Variants in AGAP1 observed in about 807,000 individuals in gnomAD.
AGAP1 encodes the protein arf-GAP with GTPase, ANK repeat and PH domain-containing protein 1.
AGAP1 carries 29 observed loss-of-function variants against 105.3 expected under a neutral mutation model. The ratio of observed to expected loss-of-function variants is 0.28; its 90% CI spans 0.21 to 0.38. The LOEUF (loss-of-function observed/expected upper bound fraction) is 0.38. Among genes scored for constraint, AGAP1 ranks in the 10% least tolerant of loss-of-function variants. The pLI, the probability that AGAP1 is intolerant of heterozygous loss-of-function variation, is 1.00. For synonymous variants in AGAP1, 509 were observed against 485.9 expected, an observed-to-expected ratio of 1.05 and a Z score of -0.63; for missense variants, 998 against 1,165.1, an observed-to-expected ratio of 0.86 and a Z score of 2.09.
Position 235,598,243 on chromosome 2 carries a change from A to G in AGAP1, c.163+103394A>G, listed in dbSNP as rs572392654. On this transcript the variant is annotated intron_variant, in intron 1 of 17. Coordinates refer to ENST00000304032, the MANE Select transcript of AGAP1 (RefSeq NM_001037131.3). Reference sequence around the variant, plus strand: ...TGTGTGAGTGGCCCCGCGATGGAACAGCGCCCTGGTTCCTGCCTGCCCCCA... The same window carrying G: ...TGTGTGAGTGGCCCCGCGATGGAACGGCGCCCTGGTTCCTGCCTGCCCCCA... Among the ~76,000 whole-genome samples the G allele has an allele frequency of 1.8e-4, 27 of 152,294 alleles. No individual in the cohort carries two copies. In the South Asian group the frequency reaches 5.4e-3, roughly 30 times the overall value.
chr2:235,593,197 C>G (rs1226690525), intron 1 of AGAP1, among the ~76,000 whole-genome samples: 3 of 152,140 alleles, frequency 2.0e-5, no homozygotes, highest in Non-Finnish European at 4.4e-5. Context: ...TTCAGACGGG[C>G]AGCTTTTCCT....
In AGAP1 at chr2:236,092,531, T is replaced by A. The variant is rs530221331; in HGVS notation, c.2115-27661T>A. ...CCTCAGCCTCCCGAGTAAGCTGGGA[T>A]TACAGGTGTCCGCCACCGTGCCCAG... On this transcript the variant is annotated intron_variant, in intron 16 of 17. Transcript: ENST00000304032. The surrounding 1 kb of genome is among the most constrained non-coding windows in gnomAD (Gnocchi z 4.7). 6.6e-6 allele frequency among the ~76,000 whole-genome samples: 1 copy of A among 152,194 alleles called. No individual in the cohort carries two copies. The highest frequency in any genetic ancestry group is 2.1e-4 in the South Asian group (1 of 4,826).
chr2:235,984,093 C>G (rs1029671421), intron 13 of AGAP1, among the ~76,000 whole-genome samples: 3 of 152,172 alleles, frequency 2.0e-5, no homozygotes, highest in African/African-American at 7.2e-5. Context: ...CCTGTGACCT[C>G]CAGCCTGCTT....
At chr2:236,108,039 C>T (rs2059544385) in intron 16 of AGAP1, among the ~76,000 whole-genome samples, 1 of 152,244 alleles carries the variant, frequency 6.6e-6, no homozygotes, top group Non-Finnish European at 1.5e-5. Flanking sequence ...CCTCCTCCTC[C>T]CCGCATGCGG....
At chr2:236,097,380 C>CTTTTTTTTTTTTTT (rs58882083) in intron 16 of AGAP1, among the ~76,000 whole-genome samples, 3 of 48,648 alleles carry the variant, frequency 6.2e-5, no homozygotes, top group South Asian at 1.2e-3. Flanking sequence ...TCATCCTAAT[C>CTTTTTTTTTTTTTT]TTTTTTTTTT....
rs2052082016 is a variant in AGAP1, at chr2:235,919,773, C to CAACG, written c.1324+10867_1324+10868insAACG. Among the ~76,000 whole-genome samples, 1 of 152,108 alleles carries CAACG rather than the reference C, an allele frequency of 6.6e-6. No individual in the cohort carries two copies. The highest frequency in any genetic ancestry group is 1.5e-5 in the Non-Finnish European group (1 of 68,020). Reference sequence around the variant, plus strand: ...GAGAAAGAATATTGTAAAGATGGAACCGTTATTCATGGCAAAGGAAGACAC... The same window carrying CAACG: ...GAGAAAGAATATTGTAAAGATGGAACAACGCGTTATTCATGGCAAAGGAAGACAC... On this transcript the variant is annotated intron_variant, in intron 11 of 17. Coordinates refer to ENST00000304032, the MANE Select transcript of AGAP1 (RefSeq NM_001037131.3). This position sits in a 1 kb window ranked among gnomAD's most constrained non-coding sequence, Gnocchi z 4.1.
At chr2:236,041,317 G>A (rs73123795) in intron 15 of AGAP1, among the ~76,000 whole-genome samples, 29,922 of 150,746 alleles carry the variant, frequency 0.2, 3,145 homozygotes, top group South Asian at 0.27. Context: ...TTCCTGCCTA[G>A]AGATTCTTGG....
At position 235,736,984 on chromosome 2, in the gene AGAP1, C is replaced by T. The variant is rs1424665865; in HGVS notation, c.311-3979C>T. ...GCTTGTTGCCAACGATGCTGTCATC[C>T]TAAGGCTCTCCTTCTGTGGTTAAAG... On this transcript the variant is annotated intron_variant, in intron 3 of 17. Transcript: ENST00000304032. The surrounding 1 kb of genome is among the most constrained non-coding windows in gnomAD (Gnocchi z 5.5). Among the ~76,000 whole-genome samples the T allele has an allele frequency of 2.6e-5, 4 of 152,198 alleles. No individual in the cohort carries two copies. Among genetic ancestry groups the T allele is most frequent in the African/African-American group, 4.8e-5 (2 of 41,456 alleles).
At position 235,599,466 on chromosome 2, in the gene AGAP1, T is replaced by C. The variant is rs915712615; in HGVS notation, c.163+104617T>C. Among the ~76,000 whole-genome samples, 13 of 152,150 alleles carry C rather than the reference T, an allele frequency of 8.5e-5. No individual in the cohort carries two copies. The highest frequency in any genetic ancestry group is 6.5e-4 in the Admixed American group (10 of 15,280). ...ATTAGCCACACGCAGAGGGCAGTTA[T>C]GTGTGATGTGGGAAATGACTGCAAA... On this transcript the variant is annotated intron_variant, in intron 1 of 17. Transcript: ENST00000304032. This position sits in a 1 kb window ranked among gnomAD's most constrained non-coding sequence, Gnocchi z 5.3.
intron 2 of AGAP1, among the ~76,000 whole-genome samples, chr2:235,715,168 C>T (rs1267302526): frequency 6.6e-6 from 1 of 152,206 alleles, no homozygotes; most frequent in Non-Finnish European, 1.5e-5. Context: ...TCCTGTCTCT[C>T]CTCCTCTCCC....
At position 236,104,700 on chromosome 2, in the gene AGAP1, C is replaced by T. The variant is rs955573878; in HGVS notation, c.2115-15492C>T. On this transcript the variant is annotated intron_variant, in intron 16 of 17. Transcript: ENST00000304032. This position sits in a 1 kb window ranked among gnomAD's most constrained non-coding sequence, Gnocchi z 4.7. ...GGGCAGGAGGTCAAGTCTAGCCTGG[C>T]CAACATGGTGAAACCCCGTCTCTAC... Among the ~76,000 whole-genome samples, 36 of 152,264 alleles carry T rather than the reference C, an allele frequency of 2.4e-4. No homozygotes were observed. The highest frequency in any genetic ancestry group is 7.0e-4 in the African/African-American group (29 of 41,554).
At position 235,634,459 on chromosome 2, in the gene AGAP1, G is replaced by A. The variant is rs1431513906; in HGVS notation, c.164-74720G>A. Among the ~76,000 whole-genome samples, 2 of 152,206 alleles carry A rather than the reference G, an allele frequency of 1.3e-5. 1 individual carries two copies. The highest frequency in any genetic ancestry group is 4.8e-5 in the African/African-American group (2 of 41,456). ...ACTCGGTCCTGTCACAAGCAGCTGT[G>A]GGAGCTGGAGCTTAGAAGCTGTCCA... On this transcript the variant is annotated intron_variant, in intron 1 of 17. Coordinates refer to ENST00000304032, the MANE Select transcript of AGAP1 (RefSeq NM_001037131.3).
rs901328865 is a variant in AGAP1, at chr2:235,716,842, G to A, written c.223-715G>A. On this transcript the variant is annotated intron_variant, in intron 2 of 17. Transcript: ENST00000304032. The surrounding 1 kb of genome is among the most constrained non-coding windows in gnomAD (Gnocchi z 4.0). ...AATCCCCTGGAAAGTCAGCCTTGCC[G>A]CCAGGTTACTGCTAGGACAGAGGCC... Among the ~76,000 whole-genome samples, 4 of 152,030 alleles carry A rather than the reference G, an allele frequency of 2.6e-5. No individual in the cohort carries two copies. The East Asian group carries it at 5.8e-4, about 22-fold the overall frequency.
rs1237077001 is a variant in AGAP1, at chr2:235,989,900, G to A, written c.1645+21277G>A. Among the ~76,000 whole-genome samples the A allele has an allele frequency of 1.3e-5, 2 of 152,014 alleles. No homozygotes were observed. The highest frequency in any genetic ancestry group is 2.9e-5 in the Non-Finnish European group (2 of 67,994). ...AGAAGAGATGAAAGAGAGGGGAGGG[G>A]CTGGCCAGTCAGCAATCTGGACAGT... On this transcript the variant is annotated intron_variant, in intron 13 of 17. Transcript: ENST00000304032. The surrounding 1 kb of genome is among the most constrained non-coding windows in gnomAD (Gnocchi z 4.4).
At chr2:236,011,165 G>T (rs377559799) in intron 13 of AGAP1, among the ~76,000 whole-genome samples, 1 of 152,188 alleles carries the variant, frequency 6.6e-6, no homozygotes, top group Non-Finnish European at 1.5e-5. Flanking sequence ...TGTGATACCC[G>T]CATGTAGCAC....
At chr2:235,572,244 TCTTGACCCCCG>T (rs1944552382) in intron 1 of AGAP1, among the ~76,000 whole-genome samples, 4 of 152,006 alleles carry the variant, frequency 2.6e-5, no homozygotes, top group African/African-American at 9.6e-5. Context: ...GTCAGCTGAC[TCTTGACCCCCG>T]CTTGCAGCTC....
Position 235,744,782 on chromosome 2 carries a change from C to G in AGAP1, c.481C>G (p.Arg161Gly). Reference sequence around the variant, plus strand: ...CCAGACCGTTTACCACTACTACAGTCGAATGGCCAACTATCGGAACACGAG... The same window carrying G: ...CCAGACCGTTTACCACTACTACAGTGGAATGGCCAACTATCGGAACACGAG... ...SFQTVYHYYS[R>G]MANYRNTSEI... The change falls in exon 5 of 18, where the codon CGA (arginine) becomes GGA (glycine). Residue 161 changes from arginine to glycine, a missense_variant. By Grantham distance (125) the Arg-to-Gly change is moderately radical. Around this residue, in one of 3 missense-constraint regions of AGAP1, gnomAD observed 735 missense variants for 833.4 expected, o/e 0.88. Transcript: ENST00000304032. The surrounding 1 kb of genome is among the most constrained non-coding windows in gnomAD (Gnocchi z 5.2). The G allele has an allele frequency of 1.2e-6, 2 of 1,613,918 alleles. No homozygotes were observed. Among genetic ancestry groups the G allele is most frequent in the South Asian group, 1.1e-5 (1 of 91,060 alleles).
At chr2:235,584,902 CTTTTTTT>C (rs10629736) in intron 1 of AGAP1, among the ~76,000 whole-genome samples, 2 of 98,536 alleles carry the variant, frequency 2.0e-5, no homozygotes, top group South Asian at 3.8e-4. Flanking sequence ...AAGTCATTAC[CTTTTTTT>C]TTTTTTTTTT....
chr2:235,584,987 G>GTGC (rs1021766174), intron 1 of AGAP1, among the ~76,000 whole-genome samples: 2 of 142,806 alleles, frequency 1.4e-5, no homozygotes, highest in South Asian at 2.2e-4. Flanking sequence ...CTTAGGTACA[G>GTGC]TGCTGCTGCT....
Sources: allele counts gnomAD v4.1 joint callset (sites outside exome capture counted in the v4.1 genomes callset), GRCh38; gene constraint gnomAD v4.1.1; regional missense constraint gnomAD v4.1.1; non-coding constraint Gnocchi (gnomAD v3.1); transcripts MANE v1.5; gene names NCBI Gene and HGNC (gene_info 2026-07-23, HGNC 2026-07-21).